The following CELF2 variants were observed in gnomAD, a reference collection of about 807,000 sequenced individuals.
The protein encoded by CELF2 is CUG triplet repeat RNA-binding protein 2.
Under a neutral mutation model 62.6 loss-of-function variants are expected in CELF2, and 8 were observed. The ratio of observed to expected loss-of-function variants is 0.13; its 90% CI spans 0.07 to 0.23. CELF2 has a LOEUF of 0.23. Ranked by LOEUF, CELF2 falls within the 10% of genes least tolerant of loss-of-function variation. The probability of loss-of-function intolerance (pLI) is 1.00; values close to 1 mark genes in which losing one functional copy is unlikely to be tolerated. For synonymous variants in CELF2, 258 were observed against 250.0 expected, an observed-to-expected ratio of 1.03 and a Z score of -0.30; for missense variants, 333 against 671.0, an observed-to-expected ratio of 0.50 and a Z score of 5.56.
the CELF2 span, among the ~76,000 whole-genome samples, chr10:10,780,463 G>A: frequency 2.2e-4 from 11 of 49,278 alleles, no homozygotes; most frequent in African/African-American, 1.2e-3. Flanking sequence ...ACGTTTGTTT[G>A]TTTGTTTGTT....
chr10:10,565,303 G>C, the CELF2 span, among the ~76,000 whole-genome samples: 3 of 152,190 alleles, frequency 2.0e-5, no homozygotes, highest in Admixed American at 2.0e-4. Context: ...TGCTTTCCTA[G>C]TTATGTAACA....
rs1447617339 is a variant in CELF2 at position 11,247,718 on chromosome 10, C to G, written c.355-1435C>G. 6.6e-6 allele frequency among the ~76,000 whole-genome samples: 1 copy of G among 152,180 alleles called. No homozygotes were observed. The highest frequency in any genetic ancestry group is 1.5e-5 in the Non-Finnish European group (1 of 68,032). On this transcript the variant is annotated intron_variant, in intron 3 of 12. Coordinates refer to ENST00000633077, the MANE Select transcript of CELF2 (RefSeq NM_001326342.2). This position sits in a 1 kb window ranked among gnomAD's most constrained non-coding sequence, Gnocchi z 5.4. ...CATAGGGTACCTGTTTGCTCCATAC[C>G]TGCTGGACAACCAGACAGATGCATG...
In CELF2 at chr10:10,928,653, G is replaced by A. The variant is rs1180825290; in HGVS notation, c.89+8654G>A. On this transcript the variant is annotated intron_variant, in intron 2 of 13. Transcript: ENST00000636488. The surrounding 1 kb of genome is among the most constrained non-coding windows in gnomAD (Gnocchi z 4.8). ...TTTATAGAAAGGTTTGCTGACCACTGTTCTATACACATCCTAGGTTTCTTT... is the reference window on the plus strand; with the variant it reads ...TTTATAGAAAGGTTTGCTGACCACTATTCTATACACATCCTAGGTTTCTTT... Among the ~76,000 whole-genome samples the A allele has an allele frequency of 1.3e-5, 2 of 152,172 alleles. No individual in the cohort carries two copies. The highest frequency in any genetic ancestry group is 2.9e-5 in the Non-Finnish European group (2 of 68,032).
In CELF2 at chr10:11,049,122, T is replaced by TAAA. The variant is rs11406502; in HGVS notation, c.74+30970_74+30972dup. Among the ~76,000 whole-genome samples, 286 of 143,124 alleles carry TAAA rather than the reference T, an allele frequency of 2.0e-3. 3 individuals are homozygous for TAAA. Among genetic ancestry groups the TAAA allele is most frequent in the African/African-American group, 6.9e-3 (267 of 38,738 alleles). 93.9% of individuals were successfully genotyped at this position (143,124 alleles called of 152,430 possible). A position where few individuals can be genotyped will look rare whatever the true frequency, so the allele number is the denominator to read the frequency against. On this transcript the variant is annotated intron_variant, in intron 1 of 12. Coordinates refer to ENST00000633077, the MANE Select transcript of CELF2 (RefSeq NM_001326342.2). ...TGTAACCTTGAACAAACTGTTCTGTTAAAAAAAAAAAAAGTCTTTTTCCTT... is the reference window on the plus strand; with the variant it reads ...TGTAACCTTGAACAAACTGTTCTGTTAAAAAAAAAAAAAAAAGTCTTTTTCCTT...
At chr10:10,661,224 A>T in the CELF2 span, among the ~76,000 whole-genome samples, 1 of 152,190 alleles carries the variant, frequency 6.6e-6, no homozygotes, top group Non-Finnish European at 1.5e-5. Flanking sequence ...ATCACCATGG[A>T]TTACTCGTCT....
chr10:11,127,599 G>A (rs1390329346), intron 1 of CELF2, among the ~76,000 whole-genome samples: 1 of 152,182 alleles, frequency 6.6e-6, no homozygotes, highest in Non-Finnish European at 1.5e-5. Flanking sequence ...GCTGGTGTGA[G>A]ATGGTATCTC....
At chr10:10,512,652 T>A in the CELF2 span, among the ~76,000 whole-genome samples, 1 of 152,114 alleles carries the variant, frequency 6.6e-6, no homozygotes, top group Non-Finnish European at 1.5e-5. Context: ...TGAACTCAAA[T>A]GATCTGCCCA....
chr10:11,012,112 AATGACTC>A lies in CELF2; in HGVS notation c.53+6675_53+6681del, dbSNP rs996125135. On this transcript the variant is annotated intron_variant, in intron 1 of 12. Coordinates refer to the CELF2 transcript ENST00000416382. This position sits in a 1 kb window ranked among gnomAD's most constrained non-coding sequence, Gnocchi z 5.5. ...GTCTAGCTGATGAATCAGAAAATTA[AATGACTC>A]ATTCCCATTGTCAATCAACTCTTTG... 1.2e-4 allele frequency among the ~76,000 whole-genome samples: 19 copies of A among 152,140 alleles called. No individual in the cohort carries two copies. Among genetic ancestry groups the A allele is most frequent in the African/African-American group, 4.3e-4 (18 of 41,458 alleles).
chr10:10,722,110 G>A, the CELF2 span, among the ~76,000 whole-genome samples: 2 of 152,064 alleles, frequency 1.3e-5, no homozygotes, highest in South Asian at 2.1e-4. Context: ...GGACCAGCCT[G>A]GGCAACAAAG....
chr10:10,860,633 G>C (rs1311062973), intron 1 of CELF2, among the ~76,000 whole-genome samples: 1 of 152,238 alleles, frequency 6.6e-6, no homozygotes, highest in Non-Finnish European at 1.5e-5. Flanking sequence ...ATTTAGCAGA[G>C]TTTGTTTGAG....
At chr10:11,101,666 C>T (rs529265365) in intron 1 of CELF2, among the ~76,000 whole-genome samples, 15 of 152,310 alleles carry the variant, frequency 9.8e-5, no homozygotes, top group African/African-American at 2.9e-4. Flanking sequence ...CAGCAAGGAT[C>T]CACCCTTAAT....
At chr10:10,967,505 A>G (rs1229729368) in intron 2 of CELF2, among the ~76,000 whole-genome samples, 1 of 152,160 alleles carries the variant, frequency 6.6e-6, no homozygotes, top group Admixed American at 6.5e-5. Flanking sequence ...TTCGGGGGAA[A>G]TGCCTGTATG....
At chr10:10,575,656 T>C in the CELF2 span, among the ~76,000 whole-genome samples, 1 of 152,212 alleles carries the variant, frequency 6.6e-6, no homozygotes, top group Non-Finnish European at 1.5e-5. Flanking sequence ...TTAGCTTCCC[T>C]CTGGCTACTG....
the CELF2 span, chr10:10,784,571 T>G: frequency 6.6e-6 from 1 of 152,354 alleles, no homozygotes; most frequent in Non-Finnish European, 1.5e-5. Flanking sequence ...ATCTCCTCTC[T>G]GACCATCCCC....
the CELF2 span, among the ~76,000 whole-genome samples, chr10:10,551,122 T>C: frequency 1.3e-5 from 2 of 152,132 alleles, no homozygotes; most frequent in Non-Finnish European, 2.9e-5. Flanking sequence ...CTGTGAAAAC[T>C]GAAAAACAGC....
Position 11,306,893 on chromosome 10 carries a change from G to C in CELF2, c.977-7246G>C, listed in dbSNP as rs938082484. 6.6e-6 allele frequency among the ~76,000 whole-genome samples: 1 copy of C among 152,182 alleles called. No homozygotes were observed. The highest frequency in any genetic ancestry group is 1.9e-4 in the East Asian group (1 of 5,198). ...TGTAAAGAGACCTAATTTGCATATT[G>C]ATTCATTGTCATCAATAACAAAAGG... On this transcript the variant is annotated intron_variant, in intron 9 of 12. Transcript: ENST00000633077. The surrounding 1 kb of genome is among the most constrained non-coding windows in gnomAD (Gnocchi z 4.4).
the CELF2 span, among the ~76,000 whole-genome samples, chr10:10,468,263 T>C: frequency 6.6e-6 from 1 of 151,984 alleles, no homozygotes; most frequent in Non-Finnish European, 1.5e-5. Context: ...CTCCACAAAG[T>C]CAACAAGCAA....
chr10:11,301,247 C>T (rs1271123945), intron 9 of CELF2, among the ~76,000 whole-genome samples: 2 of 152,016 alleles, frequency 1.3e-5, no homozygotes, highest in East Asian at 3.9e-4. Flanking sequence ...TGGAGGAATA[C>T]CCAAGTTCCT....
intron 1 of CELF2, among the ~76,000 whole-genome samples, chr10:11,101,716 G>A (rs888491960): frequency 6.6e-6 from 1 of 152,138 alleles, no homozygotes; most frequent in African/African-American, 2.4e-5. Context: ...GTAGCACAAC[G>A]GAAACACTTG....
Sources: gnomAD v4.1 joint callset for allele counts (sites outside exome capture counted in the v4.1 genomes callset) on GRCh38, gnomAD v4.1.1 for gene constraint, Gnocchi (gnomAD v3.1) non-coding constraint, MANE v1.5 for transcripts, NCBI Gene and HGNC (gene_info 2026-07-23, HGNC 2026-07-21) for gene names.